Variants in TBCK observed in about 807,000 individuals in gnomAD.
The protein encoded by TBCK is TBC domain-containing protein kinase-like protein.
A neutral mutation model predicts 113.4 loss-of-function variants in TBCK; 99 were observed. The observed-to-expected ratio is 0.87, with a 90% CI of 0.74 to 1.03. The LOEUF (loss-of-function observed/expected upper bound fraction) is 1.03. TBCK is among the 50% of genes least tolerant of loss of function. TBCK has a pLI of 0.00. For missense variants in TBCK, 1,045 were observed against 1,061.3 expected, an observed-to-expected ratio of 0.98 and a Z score of 0.21; for synonymous variants, 369 against 370.8, an observed-to-expected ratio of 1.00 and a Z score of 0.05.
intron 20 of TBCK, among the ~76,000 whole-genome samples, chr4:106,203,500 A>G (rs1227137879): frequency 6.6e-6 from 1 of 151,816 alleles, no homozygotes; most frequent in Non-Finnish European, 1.5e-5. Flanking sequence ...TCTATATACC[A>G]AAGATTATAT....
At chr4:106,204,139 G>A (rs546845365) in intron 20 of TBCK, among the ~76,000 whole-genome samples, 2 of 152,138 alleles carry the variant, frequency 1.3e-5, no homozygotes, top group Non-Finnish European at 2.9e-5. Flanking sequence ...AGTGTGCCTG[G>A]AGCTGTGTTG....
At chr4:106,191,663 T>C (rs150658105) in intron 22 of TBCK, among the ~76,000 whole-genome samples, 1 of 152,276 alleles carries the variant, frequency 6.6e-6, no homozygotes, top group East Asian at 1.9e-4. Flanking sequence ...GAGTTATTAA[T>C]ATAAGATGAA....
rs1426497288 is a variant in TBCK at position 106,042,360 on chromosome 4, T to C, written c.*4210A>G. 6.8e-6 allele frequency: 1 copy of C among 147,804 alleles called. No homozygotes were observed. The highest frequency in any genetic ancestry group is 2.5e-5 in the African/African-American group (1 of 39,828). The allele number at this position is 147,804 out of a possible 1,614,324, so 9.2% of individuals were successfully genotyped here. A position where few individuals can be genotyped will look rare whatever the true frequency, so the allele number is the denominator to read the frequency against. On this transcript the variant is annotated 3_prime_UTR_variant, in exon 26 of 26. Transcript: ENST00000394708. ...TATTAAATAAGACTACTGCATAAGA[T>C]TTTTTTTTTTCTTTTTTGAGACGGA...
At position 106,235,294 on chromosome 4, in the gene TBCK, G is replaced by A. The variant is rs1369845262; in HGVS notation, c.1424C>T (p.Thr475Ile). 1 of 1,609,252 alleles carries A rather than the reference G, an allele frequency of 6.2e-7. No individual in the cohort carries two copies. Among genetic ancestry groups the A allele is most frequent in the East Asian group, 2.2e-5 (1 of 44,588 alleles). The part of the protein sequence containing the change: ...VDIPPLMRGL[T>I]WAALLGVEGA... ...CTCAACTCCCAGAAGAGCAGCCCAG[G>A]TTAAACCTCTCATAAGAGGAGGAAT... The change falls in exon 15 of 26, where the codon ACC becomes ATC. Residue 475 changes from threonine (T) to isoleucine (I), a missense_variant. Coordinates refer to ENST00000394708, the MANE Select transcript of TBCK (RefSeq NM_001163435.3).
rs140088327 is a variant in TBCK, at chr4:106,088,602, T to C, written c.2571+6880A>G. On this transcript the variant is annotated intron_variant, in intron 25 of 25. Transcript: ENST00000394708. ...CCCAGCAATCCCACTACTGGGTATA[T>C]ACCCAAGGAATAGAAATCATTCTAT... Among the ~76,000 whole-genome samples the C allele has an allele frequency of 9.3e-3, 1,420 of 152,288 alleles. 8 individuals carry two copies. Among genetic ancestry groups the C allele is most frequent in the Non-Finnish European group, 0.015 (1,007 of 68,016 alleles).
chr4:106,238,430 C>T (rs542011760), intron 12 of TBCK, among the ~76,000 whole-genome samples: 1 of 151,962 alleles, frequency 6.6e-6, no homozygotes, highest in South Asian at 2.1e-4. Flanking sequence ...AAAACCAGGC[C>T]TAGAGAGAAA....
intron 21 of TBCK, 107 bp downstream of exon 21, chr4:106,194,611 T>C (rs1754007186): frequency 2.4e-6 from 2 of 842,784 alleles, no homozygotes; most frequent in East Asian, 5.7e-5. Flanking sequence ...CACATAAAAA[T>C]ACTTACTAAA....
chr4:106,244,528 TAA>T (rs58634260), intron 11 of TBCK, 96 bp downstream of exon 11: 3,393 of 864,978 alleles, frequency 3.9e-3, no homozygotes, highest in South Asian at 5.0e-3. Context: ...ACAACCAATT[TAA>T]AAAAAAAAAA....
intron 25 of TBCK, among the ~76,000 whole-genome samples, chr4:106,064,741 C>T (rs1356412453): frequency 6.6e-6 from 1 of 151,950 alleles, no homozygotes; most frequent in Non-Finnish European, 1.5e-5. Flanking sequence ...GACATTTACA[C>T]TTTTTCTTAA....
chr4:106,209,524 A>T (rs1196029092), intron 20 of TBCK, among the ~76,000 whole-genome samples: 2 of 152,166 alleles, frequency 1.3e-5, no homozygotes, highest in African/African-American at 4.8e-5. Flanking sequence ...AATATTCCAT[A>T]TTTAAGTCTT....
intron 20 of TBCK, 23 bp downstream of exon 20, chr4:106,212,727 C>G (rs779392391): frequency 6.7e-7 from 1 of 1,498,342 alleles, no homozygotes; most frequent in Non-Finnish European, 9.2e-7. Context: ...ACCACATGTT[C>G]TATTAATGCA....
intron 25 of TBCK, among the ~76,000 whole-genome samples, chr4:106,055,715 A>G (rs1274573945): frequency 4.0e-5 from 6 of 151,264 alleles, no homozygotes; most frequent in Non-Finnish European, 7.4e-5. Context: ...CTTATTTTTA[A>G]GCTAATTTAT....
chr4:106,216,737 C>A (rs947546915), intron 19 of TBCK, among the ~76,000 whole-genome samples: 1 of 151,898 alleles, frequency 6.6e-6, no homozygotes, highest in Non-Finnish European at 1.5e-5. Flanking sequence ...AGCTTACCAA[C>A]CAAAAAGAGT....
At chr4:106,058,152 C>T (rs1006371820) in intron 25 of TBCK, among the ~76,000 whole-genome samples, 3 of 151,782 alleles carry the variant, frequency 2.0e-5, no homozygotes, top group African/African-American at 7.3e-5. Flanking sequence ...AACAATGCAA[C>T]ATAGTCCCTC....
At chr4:106,117,468 G>T (rs1277107517) in intron 23 of TBCK, among the ~76,000 whole-genome samples, 1 of 152,124 alleles carries the variant, frequency 6.6e-6, no homozygotes, top group Non-Finnish European at 1.5e-5. Flanking sequence ...AACTAACAAT[G>T]TGTCTTAACT....
chr4:106,299,055 G>A (rs1272088300), intron 2 of TBCK, among the ~76,000 whole-genome samples: 1 of 152,146 alleles, frequency 6.6e-6, no homozygotes, highest in Non-Finnish European at 1.5e-5. Context: ...TCTCATCACA[G>A]GTGCCTAGCA....
chr4:106,089,167 G>A (rs1739886759), intron 25 of TBCK, among the ~76,000 whole-genome samples: 1 of 152,080 alleles, frequency 6.6e-6, no homozygotes, highest in African/African-American at 2.4e-5. Flanking sequence ...GAAGGCAACA[G>A]GGAGTTAGCA....
At chr4:106,132,059 T>A (rs991180342) in intron 23 of TBCK, among the ~76,000 whole-genome samples, 18 of 152,160 alleles carry the variant, frequency 1.2e-4, no homozygotes, top group African/African-American at 4.3e-4. Flanking sequence ...AATTTGAAGG[T>A]TGGCAATGTG....
intron 24 of TBCK, among the ~76,000 whole-genome samples, chr4:106,104,590 CA>C (rs1028179470): frequency 6.6e-6 from 1 of 151,984 alleles, no homozygotes; most frequent in Non-Finnish European, 1.5e-5. Flanking sequence ...TGAGCTGACT[CA>C]AGGCAGAAGG....
Sources: allele counts gnomAD v4.1 joint callset (sites outside exome capture counted in the v4.1 genomes callset), GRCh38; gene constraint gnomAD v4.1.1; transcripts MANE v1.5; gene names NCBI Gene and HGNC (gene_info 2026-07-23, HGNC 2026-07-21).